The following RPS6KA1 variants were observed in gnomAD, a reference collection of about 807,000 sequenced individuals.
RPS6KA1 encodes ribosomal protein S6 kinase A1.
Under a neutral mutation model 91.3 loss-of-function variants are expected in RPS6KA1, and 48 were observed. The ratio of observed to expected loss-of-function variants is 0.53; its 90% CI spans 0.42 to 0.67. The LOEUF (loss-of-function observed/expected upper bound fraction) is 0.67, where lower values mean the gene tolerates loss of function less well. Among genes scored for constraint, RPS6KA1 ranks in the 30% least tolerant of loss-of-function variants. The pLI, the probability that RPS6KA1 is intolerant of heterozygous loss-of-function variation, is 0.00. For synonymous variants in RPS6KA1, 359 were observed against 384.7 expected, an observed-to-expected ratio of 0.93 and a Z score of 0.78; for missense variants, 719 against 960.5, an observed-to-expected ratio of 0.75 and a Z score of 3.32.
chr1:26,543,384 A>C (rs576552567), intron 2 of RPS6KA1, among the ~76,000 whole-genome samples: 64 of 152,264 alleles, frequency 4.2e-4, no homozygotes, highest in Admixed American at 1.9e-3. Context: ...GGAGGTTCAG[A>C]TCTCAGGGTG....
chr1:26,559,028 C>T (rs2076130878), intron 14 of RPS6KA1, 91 bp downstream of exon 14: 2 of 1,472,714 alleles, frequency 1.4e-6, no homozygotes, highest in African/African-American at 1.4e-5. Context: ...CAGGTTCATA[C>T]CCTCATGCCA....
At chr1:26,559,084 C>T (rs2076131474) in intron 14 of RPS6KA1, 147 bp downstream of exon 14, 3 of 908,408 alleles carry the variant, frequency 3.3e-6, no homozygotes, top group Non-Finnish European at 4.9e-6. Flanking sequence ...GACAGTAAGG[C>T]CCACCTCACA....
At position 26,529,826 on chromosome 1, in the gene RPS6KA1, G is replaced by T; in HGVS notation, c.-95G>T. 4 of 943,638 alleles carry T rather than the reference G, an allele frequency of 4.2e-6. No homozygotes were observed. Among genetic ancestry groups the T allele is most frequent in the Non-Finnish European group, 5.5e-6 (4 of 731,948 alleles). The allele number at this position is 943,638 out of a possible 1,614,324, so 58.5% of individuals were successfully genotyped here. On this transcript the variant is annotated 5_prime_UTR_variant, in exon 1 of 22. Transcript: ENST00000374168. The surrounding 1 kb of genome is among the most constrained non-coding windows in gnomAD (Gnocchi z 4.2). ...CGGAGCGCGAGGGGCTCGGGGGGGC[G>T]CGGCGGTTCGGGTCGCAGAGCCAGG...
In RPS6KA1 at chr1:26,535,049, G is replaced by A. The variant is rs558234459; in HGVS notation, c.64-1876G>A. On this transcript the variant is annotated intron_variant, in intron 1 of 21. Transcript: ENST00000374168. ...GGGGCAGGGAGCTGGTGGGTAGGCT[G>A]TTCTGATCATCTGCAGGAATTATGT... 6.2e-4 allele frequency among the ~76,000 whole-genome samples: 94 copies of A among 152,088 alleles called. 1 individual carries two copies. The South Asian group carries it at 0.019, about 31-fold the overall frequency.
chr1:26,554,652 G>A lies in RPS6KA1; in HGVS notation c.670G>A (p.Gly224Arg). 7 of 1,613,920 alleles carry A rather than the reference G, an allele frequency of 4.3e-6. No homozygotes were observed. Among genetic ancestry groups the A allele is most frequent in the Non-Finnish European group, 4.2e-6 (5 of 1,179,848 alleles). ...CGAGAAGAAGGCCTATTCTTTCTGC[G>A]GGACAGTGGAGTACATGGCCCCTGA... Reference protein sequence around the residue: ...DHEKKAYSFCGTVEYMAPEVV... With the variant: ...DHEKKAYSFCRTVEYMAPEVV... The change falls in exon 9 of 22, where the codon GGG (glycine) becomes AGG (arginine). Residue 224 changes from glycine to arginine, a missense_variant. Transcript: ENST00000374168. This position sits in a 1 kb window ranked among gnomAD's most constrained non-coding sequence, Gnocchi z 4.6.
At chr1:26,537,549 G>A (rs1051458182) in intron 2 of RPS6KA1, among the ~76,000 whole-genome samples, 5 of 152,196 alleles carry the variant, frequency 3.3e-5, no homozygotes, top group African/African-American at 9.7e-5. Context: ...TGCTGGTTTT[G>A]TGTTTTGCCA....
Position 26,529,956 on chromosome 1 carries a change from C to G in RPS6KA1, c.36C>G (p.Leu12=), listed in dbSNP as rs1570412619. ...CCCAGCTCAAGGAGCCCTGGCCGCT[C>G]ATGGAGCTAGTGCCTCTGGACCCGG... ...PLAQLKEPWP[L]MELVPLDPEN... The change falls in exon 1 of 22, where the codon CTC becomes CTG. Residue 12 remains leucine (L), a synonymous_variant. Coordinates refer to ENST00000374168, the MANE Select transcript of RPS6KA1 (RefSeq NM_002953.4). The surrounding 1 kb of genome is among the most constrained non-coding windows in gnomAD (Gnocchi z 4.2). 1.4e-6 allele frequency: 2 copies of G among 1,433,420 alleles called. No homozygotes were observed. Among genetic ancestry groups the G allele is most frequent in the Non-Finnish European group, 1.8e-6 (2 of 1,094,498 alleles). 88.8% of individuals were successfully genotyped at this position (1,433,420 alleles called of 1,614,324 possible).
chr1:26,567,146 C>T (rs2076209894), intron 17 of RPS6KA1, among the ~76,000 whole-genome samples: 1 of 151,946 alleles, frequency 6.6e-6, no homozygotes, highest in Non-Finnish European at 1.5e-5. Context: ...CAACCTGCAC[C>T]CCACACAGCT....
intron 2 of RPS6KA1, among the ~76,000 whole-genome samples, chr1:26,544,521 C>G (rs2075975129): frequency 6.7e-6 from 1 of 150,256 alleles, no homozygotes; most frequent in Non-Finnish European, 1.5e-5. Context: ...GTCGCCCAGG[C>G]TGGAGTGCGG....
intron 12 of RPS6KA1, 88 bp downstream of exon 12, chr1:26,556,806 C>A: frequency 1.3e-6 from 2 of 1,494,190 alleles, no homozygotes; most frequent in Non-Finnish European, 1.9e-6. Context: ...CCTCTGCCAG[C>A]GAGGGCCCCA....
chr1:26,560,585 C>A, intron 14 of RPS6KA1, 141 bp from the exon 15 acceptor site: 1 of 1,018,936 alleles, frequency 9.8e-7, no homozygotes, highest in Non-Finnish European at 1.5e-6. Flanking sequence ...CTGTCACCTG[C>A]GGTCACATGG....
chr1:26,555,133 G>C lies in RPS6KA1; in HGVS notation c.757-18G>C, dbSNP rs761289246. On this transcript the variant is annotated intron_variant, in intron 9 of 21. Transcript: ENST00000374168. The surrounding 1 kb of genome is among the most constrained non-coding windows in gnomAD (Gnocchi z 4.3). ...GGAGACAGGGATCAGAGCCTGAATA[G>C]ATCCTTGTCCTCTGCAGTTTGAGAT... The C allele has an allele frequency of 1.2e-6, 2 of 1,613,628 alleles. No individual in the cohort carries two copies. Among genetic ancestry groups the C allele is most frequent in the Middle Eastern group, 1.6e-4 (1 of 6,062 alleles).
At chr1:26,557,753 TCTCTCCTCTC>T (rs1329120417) in intron 13 of RPS6KA1, among the ~76,000 whole-genome samples, 4 of 141,948 alleles carry the variant, frequency 2.8e-5, no homozygotes, top group African/African-American at 1.1e-4. Context: ...GTGCTTTTCT[TCTCTCCTCTC>T]CTCCCCTCCC....
intron 14 of RPS6KA1, among the ~76,000 whole-genome samples, chr1:26,560,445 A>G (rs2076143775): frequency 6.6e-6 from 1 of 152,102 alleles, no homozygotes; most frequent in Non-Finnish European, 1.5e-5. Flanking sequence ...AGTCCTCTCC[A>G]TGTGTGTTGT....
intron 17 of RPS6KA1, among the ~76,000 whole-genome samples, chr1:26,564,187 A>G (rs2076178653): frequency 6.6e-6 from 1 of 152,206 alleles, no homozygotes; most frequent in Non-Finnish European, 1.5e-5. Context: ...TACACTTCAC[A>G]GTGCATTACA....
chr1:26,555,579 G>C lies in RPS6KA1; in HGVS notation c.870G>C (p.Gln290His). 1 of 1,601,788 alleles carries C rather than the reference G, an allele frequency of 6.2e-7. No homozygotes were observed. Among genetic ancestry groups the C allele is most frequent in the Non-Finnish European group, 8.5e-7 (1 of 1,173,602 alleles). ...CCCAGTTTCTGAGCACTGAAGCCCA[G>C]AGCCTCTTGCGGGCCCTGTTCAAGC... ...GMPQFLSTEA[Q>H]SLLRALFKRN... Residue 290 changes from glutamine (Q) to histidine (H), a missense_variant, in exon 11 of 22, where the codon CAG becomes CAC. Physicochemically the swap from Gln to His is conservative, Grantham distance 24 (BLOSUM62 0). This residue lies in a region of RPS6KA1 where 228 missense variants were observed against 247.6 expected (regional missense o/e 0.92). Coordinates refer to ENST00000374168, the MANE Select transcript of RPS6KA1 (RefSeq NM_002953.4). The surrounding 1 kb of genome is among the most constrained non-coding windows in gnomAD (Gnocchi z 4.3).
At chr1:26,553,978 T>C in intron 7 of RPS6KA1, 1 of 477,114 alleles carries the variant, frequency 2.1e-6, no homozygotes, top group South Asian at 3.3e-5. Context: ...GTTTTCCCAT[T>C]AGCAAAACGG....
At position 26,547,186 on chromosome 1, in the gene RPS6KA1, C is replaced by T; in HGVS notation, c.226-3C>T. ...TGCCCTGCTTCCTGCTCTGCCTTCT[C>T]AGGTCTTCCTGGTGCGGAAAGTCAC... On this transcript the variant is annotated splice_region_variant and splice_polypyrimidine_tract_variant and intron_variant, in intron 3 of 21. Transcript: ENST00000374168. This position sits in a 1 kb window ranked among gnomAD's most constrained non-coding sequence, Gnocchi z 4.1. 1 of 1,614,058 alleles carries T rather than the reference C, an allele frequency of 6.2e-7. No homozygotes were observed. The highest frequency in any genetic ancestry group is 8.5e-7 in the Non-Finnish European group (1 of 1,179,996).
chr1:26,533,922 C>T (rs2075887460), intron 1 of RPS6KA1, among the ~76,000 whole-genome samples: 1 of 152,222 alleles, frequency 6.6e-6, no homozygotes, highest in Middle Eastern at 3.4e-3. Flanking sequence ...CCCTGACCCC[C>T]CTACCAGTCT....
Sources: gnomAD v4.1 joint callset for allele counts (sites outside exome capture counted in the v4.1 genomes callset) on GRCh38, gnomAD v4.1.1 for gene constraint, gnomAD v4.1.1 regional missense constraint, Gnocchi (gnomAD v3.1) non-coding constraint, MANE v1.5 for transcripts, NCBI Gene and HGNC (gene_info 2026-07-23, HGNC 2026-07-21) for gene names.